Variants in ROBO1 observed in about 807,000 individuals in gnomAD.
ROBO1 encodes the protein roundabout homolog 1.
Under a neutral mutation model 195.9 loss-of-function variants are expected in ROBO1, and 149 were observed. The observed-to-expected ratio is 0.76, with a 90% CI of 0.67 to 0.87. The LOEUF (loss-of-function observed/expected upper bound fraction) is 0.87, where lower values mean the gene tolerates loss of function less well. Among genes scored for constraint, ROBO1 ranks in the 40% least tolerant of loss-of-function variants. ROBO1 has a pLI of 0.00. For synonymous variants in ROBO1, 816 were observed against 733.2 expected (o/e 1.11, Z -1.82); for missense variants, 1,933 against 2,068.3 (o/e 0.93, Z 1.27).
At chr3:79,567,919 A>G (rs1181273600) in intron 2 of ROBO1, among the ~76,000 whole-genome samples, 1 of 152,134 alleles carries the variant, frequency 6.6e-6, no homozygotes, top group East Asian at 1.9e-4. Context: ...TTGATCAAAT[A>G]TTGCTTTCTA....
chr3:78,979,693 G>C (rs955330650), intron 3 of ROBO1, among the ~76,000 whole-genome samples: 2 of 152,026 alleles, frequency 1.3e-5, no homozygotes, highest in Admixed American at 1.3e-4. Context: ...TCTGTCCCCA[G>C]AGTGCAGAGG....
At chr3:79,721,058 C>T (rs1230528484) in intron 1 of ROBO1, among the ~76,000 whole-genome samples, 14 of 152,298 alleles carry the variant, frequency 9.2e-5, no homozygotes, top group Non-Finnish European at 1.5e-5. Context: ...TCCCAAAGTG[C>T]TGGGATTACA....
intron 2 of ROBO1, among the ~76,000 whole-genome samples, chr3:79,255,860 C>A (rs1023676263): frequency 2.0e-5 from 3 of 152,146 alleles, no homozygotes; most frequent in African/African-American, 7.2e-5. Context: ...AGTGAGGTAA[C>A]ATCTGCCTCA....
chr3:79,213,476 ATGTTGTTGTTTATGTTTAATTTTGTAT>A (rs2082001038), intron 2 of ROBO1, among the ~76,000 whole-genome samples: 1 of 152,092 alleles, frequency 6.6e-6, no homozygotes, highest in African/African-American at 2.4e-5. Context: ...CTAATGACTG[ATGTTGTTGTTTATGTTTAATTTTGTAT>A]GCTGTCTCTA....
At chr3:79,469,697 C>T (rs1026130556) in intron 2 of ROBO1, among the ~76,000 whole-genome samples, 13 of 152,130 alleles carry the variant, frequency 8.5e-5, no homozygotes, top group African/African-American at 3.1e-4. Context: ...AAATAACATA[C>T]AACCAACACT....
At chr3:78,632,108 T>C (rs1464221356) in intron 24 of ROBO1, among the ~76,000 whole-genome samples, 4 of 152,210 alleles carry the variant, frequency 2.6e-5, no homozygotes, top group Non-Finnish European at 5.9e-5. Context: ...CAATATGTTA[T>C]ATTTTTGATT....
chr3:79,339,845 T>C (rs559155680), intron 2 of ROBO1, among the ~76,000 whole-genome samples: 1 of 152,218 alleles, frequency 6.6e-6, no homozygotes, highest in Admixed American at 6.5e-5. Context: ...AACTCTGGAG[T>C]TATTTAAAAC....
chr3:79,591,643 T>C (rs925976142), intron 1 of ROBO1, among the ~76,000 whole-genome samples: 1 of 151,954 alleles, frequency 6.6e-6, no homozygotes, highest in Admixed American at 6.6e-5. Flanking sequence ...ATATTTTTAC[T>C]CTTTAATCCA....
In ROBO1 at chr3:79,258,906, G is replaced by A. The variant is rs1408765711; in HGVS notation, c.89-133367C>T. Among the ~76,000 whole-genome samples the A allele has an allele frequency of 2.6e-5, 4 of 152,052 alleles. No homozygotes were observed. In the South Asian group the frequency reaches 8.3e-4, roughly 32 times the overall value. On this transcript the variant is annotated intron_variant, in intron 2 of 30. Transcript: ENST00000464233. ...AGAAATCCATTTGAAAAATGGATTTGTCAGGGAAAAACTCACTATAACATT... is the reference window on the plus strand; with the variant it reads ...AGAAATCCATTTGAAAAATGGATTTATCAGGGAAAAACTCACTATAACATT...
chr3:79,235,870 T>C (rs1156539385), intron 2 of ROBO1, among the ~76,000 whole-genome samples: 1 of 152,058 alleles, frequency 6.6e-6, no homozygotes, highest in Non-Finnish European at 1.5e-5. Context: ...ACTATAAGGG[T>C]CAAATTAAGC....
rs778578401 is a variant in ROBO1, at chr3:78,670,227, C to T, written c.1417G>A (p.Val473Ile). Reference protein sequence around the residue: ...NQTVAVDGTFVLSCVATGSPV... With the variant: ...NQTVAVDGTFILSCVATGSPV... The stretch of plus-strand genomic sequence containing the variant: ...CTGCCTGTGGCCACACAGCTGAGGA[C>T]GAAAGTGCCATCCACGGCTACAGTC... The change falls in exon 11 of 31, where the codon GTC (valine) becomes ATC (isoleucine). Residue 473 changes from valine (V) to isoleucine (I), a missense_variant. Val to Ile is a conservative substitution (Grantham distance 29). Coordinates refer to ENST00000464233, the MANE Select transcript of ROBO1 (RefSeq NM_002941.4). The T allele has an allele frequency of 2.5e-5, 40 of 1,605,330 alleles. No individual in the cohort carries two copies. The highest frequency in any genetic ancestry group is 1.3e-4 in the South Asian group (12 of 89,784).
chr3:79,759,865 C>A (rs1053641960), intron 1 of ROBO1, among the ~76,000 whole-genome samples: 1 of 152,088 alleles, frequency 6.6e-6, no homozygotes. Context: ...ATATGGAACA[C>A]TTATGAGTGG....
intron 2 of ROBO1, among the ~76,000 whole-genome samples, chr3:79,501,981 T>C (rs1357849471): frequency 6.6e-6 from 1 of 152,224 alleles, no homozygotes; most frequent in Non-Finnish European, 1.5e-5. Flanking sequence ...TTGAGTAAGA[T>C]AGCTCTAACT....
intron 1 of ROBO1, among the ~76,000 whole-genome samples, chr3:79,734,697 C>T (rs138890917): frequency 6.6e-6 from 1 of 151,894 alleles, no homozygotes; most frequent in Non-Finnish European, 1.5e-5. Flanking sequence ...GTACAAGTCA[C>T]CTAGGGATTT....
At chr3:79,568,851 T>C (rs142754714) in intron 2 of ROBO1, among the ~76,000 whole-genome samples, 2 of 152,308 alleles carry the variant, frequency 1.3e-5, no homozygotes, top group East Asian at 1.9e-4. Flanking sequence ...TACGTTATAC[T>C]CTGAGTTTTA....
chr3:78,686,006 A>T (rs1210079679), intron 9 of ROBO1, 89 bp from the exon 10 acceptor site: 1 of 1,073,956 alleles, frequency 9.3e-7, no homozygotes, highest in African/African-American at 1.6e-5. Context: ...TACATGTAAA[A>T]ACATACATAT....
At chr3:79,674,967 G>A (rs1015131163) in intron 1 of ROBO1, among the ~76,000 whole-genome samples, 3 of 151,624 alleles carry the variant, frequency 2.0e-5, no homozygotes, top group East Asian at 1.9e-4. Flanking sequence ...ATTTTAATAT[G>A]ACATTTTCTT....
intron 4 of ROBO1, among the ~76,000 whole-genome samples, chr3:78,898,099 T>C (rs1387479816): frequency 6.7e-6 from 1 of 150,332 alleles, no homozygotes; most frequent in East Asian, 1.9e-4. Flanking sequence ...CAAATTTAAA[T>C]ATATATATTT....
chr3:78,662,051 A>C lies in ROBO1; in HGVS notation c.2030T>G (p.Val677Gly). ...KQVQRELGNA[V>G]LHLHNPTVLS... Reference sequence around the variant, plus strand: ...GACGGTGGGGTTGTGGAGGTGCAGAACAGCATTTCCCAGCTCTCTCTGGAC... The same window carrying C: ...GACGGTGGGGTTGTGGAGGTGCAGACCAGCATTTCCCAGCTCTCTCTGGAC... The change falls in exon 15 of 31, where the codon GTT becomes GGT. Residue 677 changes from valine (V) to glycine (G), a missense_variant. Physicochemically the swap from Val to Gly is moderately radical, Grantham distance 109. Around this residue, in one of 3 missense-constraint regions of ROBO1, gnomAD observed 1,737 missense variants for 1,882.5 expected, o/e 0.92. Coordinates refer to ENST00000464233, the MANE Select transcript of ROBO1 (RefSeq NM_002941.4). 1 of 1,598,074 alleles carries C rather than the reference A, an allele frequency of 6.3e-7. No homozygotes were observed. The highest frequency in any genetic ancestry group is 8.5e-7 in the Non-Finnish European group (1 of 1,172,000).
Sources: allele counts gnomAD v4.1 joint callset (sites outside exome capture counted in the v4.1 genomes callset), GRCh38; gene constraint gnomAD v4.1.1; regional missense constraint gnomAD v4.1.1; transcripts MANE v1.5; gene names NCBI Gene and HGNC (gene_info 2026-07-23, HGNC 2026-07-21).